ZNF800: variants seen among roughly 807,000 people sequenced by gnomAD.
ZNF800 encodes zinc finger protein 800.
Under a neutral mutation model 59.5 loss-of-function variants are expected in ZNF800, and 13 were observed. The ratio of observed to expected loss-of-function variants is 0.22; its 90% CI spans 0.14 to 0.35. The LOEUF is 0.35. Among genes scored for constraint, ZNF800 ranks in the 10% least tolerant of loss-of-function variants. The pLI is 1.00. For synonymous variants in ZNF800, 266 were observed against 265.7 expected (o/e 1.00, Z -0.01); for missense variants, 621 against 783.7 (o/e 0.79, Z 2.48).
At chr7:127,387,937 C>T (rs1462091490) in intron 2 of ZNF800, among the ~76,000 whole-genome samples, 1 of 151,504 alleles carries the variant, frequency 6.6e-6, no homozygotes. Flanking sequence ...CACACACACA[C>T]ACACACACAC....
In ZNF800 at chr7:127,373,955, T is replaced by C. The variant is rs139385030; in HGVS notation, c.1381A>G (p.Thr461Ala). 3.1e-6 allele frequency: 5 copies of C among 1,614,060 alleles called. No homozygotes were observed. The African/African-American group carries it at 4.0e-5, about 13-fold the overall frequency. The change falls in exon 5 of 6, where the codon ACT (threonine) becomes GCT (alanine). Residue 461 changes from threonine to alanine, a missense_variant. Thr to Ala is a moderately conservative substitution (Grantham distance 58, BLOSUM62 0). Transcript: ENST00000265827. ...VKQDSESPKS[T>A]SPSAAGGQQK... Reference sequence around the variant, plus strand: ...TGGCCACCTGCAGCCGACGGACTAGTTGATTTAGGGCTTTCAGAGTCTTGT... The same window carrying C: ...TGGCCACCTGCAGCCGACGGACTAGCTGATTTAGGGCTTTCAGAGTCTTGT...
intron 1 of ZNF800, chr7:127,361,740 A>G (rs1800397411): frequency 6.6e-6 from 1 of 152,168 alleles, no homozygotes; most frequent in Non-Finnish European, 1.5e-5. Flanking sequence ...ATGGAATTAT[A>G]TGTAAAGAAA....
At chr7:127,375,129 A>G (rs746442393) in intron 4 of ZNF800, 95 bp from the exon 5 acceptor site, 28 of 990,104 alleles carry the variant, frequency 2.8e-5, no homozygotes, top group Admixed American at 2.6e-4. Context: ...ATCTCAGAAT[A>G]TATCATATTA....
chr7:127,391,487 A>T lies in ZNF800; in HGVS notation c.61+10T>A, dbSNP rs1465195706. Reference sequence around the variant, plus strand: ...GAGGGCAAAGCAACTGCGGACGAAGAGGGGTCTACCTGGTTCACAGCATCC... The same window carrying T: ...GAGGGCAAAGCAACTGCGGACGAAGTGGGGTCTACCTGGTTCACAGCATCC... On this transcript the variant is annotated intron_variant, in intron 2 of 5. Transcript: ENST00000265827. 6.2e-7 allele frequency: 1 copy of T among 1,614,072 alleles called. No homozygotes were observed. Among genetic ancestry groups the T allele is most frequent in the African/African-American group, 1.3e-5 (1 of 75,032 alleles).
chr7:127,359,245 C>T (rs1039260575), intron 1 of ZNF800, among the ~76,000 whole-genome samples: 1 of 151,834 alleles, frequency 6.6e-6, no homozygotes, highest in Non-Finnish European at 1.5e-5. Flanking sequence ...TGTCACCACC[C>T]CACAGCCCCC....
In ZNF800 at chr7:127,374,594, G is replaced by T; in HGVS notation, c.742C>A (p.His248Asn). The T allele has an allele frequency of 6.2e-7, 1 of 1,614,086 alleles. No individual in the cohort carries two copies. The highest frequency in any genetic ancestry group is 8.5e-7 in the Non-Finnish European group (1 of 1,179,984). ...EFNSRRGVRR[H>N]IRKVHKKKME... ...TTTTTCTTGTGTACTTTTCGAATGT[G>T]ACGGCGAACACCTCGTCTAGAATTG... Residue 248 changes from histidine to asparagine, a missense_variant, in exon 5 of 6, where the codon CAC becomes AAC. By Grantham distance (68) the His-to-Asn change is moderately conservative. Coordinates refer to ENST00000265827, the MANE Select transcript of ZNF800 (RefSeq NM_176814.5).
intron 1 of ZNF800, 64 bp downstream of exon 1, chr7:127,391,996 C>A: frequency 2.6e-6 from 1 of 384,872 alleles, no homozygotes; most frequent in Non-Finnish European, 4.6e-6. Flanking sequence ...CCTCCCGCTA[C>A]GCACGTGCGT....
chr7:127,368,302 C>T (rs947592646), downstream of ZNF800, among the ~76,000 whole-genome samples: 7 of 152,130 alleles, frequency 4.6e-5, no homozygotes, highest in African/African-American at 1.7e-4. Context: ...AACCACAGAA[C>T]AGCTATTCCT....
rs141987989 is a variant in ZNF800 at position 127,374,506 on chromosome 7, C to A, written c.830G>T (p.Arg277Leu). The A allele has an allele frequency of 1.2e-6, 2 of 1,614,100 alleles. No homozygotes were observed. Among genetic ancestry groups the A allele is most frequent in the Non-Finnish European group, 8.5e-7 (1 of 1,179,982 alleles). The part of the protein sequence containing the change: ...RKNPNQSSKG[R>L]SKNVLVPLSR... ...TAATGGAACTAGAACATTCTTACTG[C>A]GTCCTTTAGAGGATTGGTTTGGATT... is the stretch of plus-strand genomic sequence containing the variant. The change falls in exon 5 of 6, where the codon CGC becomes CTC. Residue 277 changes from arginine (R) to leucine (L), a missense_variant. Arg to Leu is a moderately radical substitution (Grantham distance 102). Coordinates refer to ENST00000265827, the MANE Select transcript of ZNF800 (RefSeq NM_176814.5).
chr7:127,379,345 T>C (rs1800885865), intron 3 of ZNF800, among the ~76,000 whole-genome samples: 1 of 152,148 alleles, frequency 6.6e-6, no homozygotes, highest in Non-Finnish European at 1.5e-5. Flanking sequence ...GTGAGCATAG[T>C]AGCAGTGGGA....
intron 2 of ZNF800, among the ~76,000 whole-genome samples, chr7:127,391,232 C>T (rs779361472): frequency 7.9e-5 from 12 of 152,054 alleles, no homozygotes; most frequent in Non-Finnish European, 1.6e-4. Flanking sequence ...CTGCAGGATG[C>T]CTTGAAAAAG....
downstream of ZNF800, among the ~76,000 whole-genome samples, chr7:127,368,786 C>T (rs1800564908): frequency 6.6e-6 from 1 of 152,090 alleles, no homozygotes; most frequent in South Asian, 2.1e-4. Context: ...CCCACTACTG[C>T]ATCCATAGGC....
chr7:127,348,807 C>T (rs1324491097), intron 1 of ZNF800, among the ~76,000 whole-genome samples: 3 of 152,144 alleles, frequency 2.0e-5, no homozygotes, highest in African/African-American at 7.2e-5. Flanking sequence ...AATTTTACTC[C>T]ATTCTTATGT....
chr7:127,353,913 C>G (rs1800219727), intron 1 of ZNF800, among the ~76,000 whole-genome samples: 1 of 149,028 alleles, frequency 6.7e-6, no homozygotes, highest in Non-Finnish European at 1.5e-5. Context: ...TGAATCATAT[C>G]AAGATAAAAA....
In ZNF800 at chr7:127,377,213, A is replaced by G. The variant is rs1800812310; in HGVS notation, c.274T>C (p.Cys92Arg). Residue 92 changes from cysteine to arginine, a missense_variant, in exon 4 of 6, where the codon TGC becomes CGC. By Grantham distance (180) the Cys-to-Arg change is radical. This residue lies in a region of ZNF800 where 12 missense variants were observed against 34.4 expected (regional missense o/e 0.35). Transcript: ENST00000265827. This position sits in a 1 kb window ranked among gnomAD's most constrained non-coding sequence, Gnocchi z 4.7. ...TCATCCATCTGGAGACTTGGTGGGC[A>G]GTAGAATTTTTTATGGGTAATTAAA... The part of the protein sequence containing the change: ...PNLITHKKFY[C>R]PPSLQMDDNL... 1 of 1,611,916 alleles carries G rather than the reference A, an allele frequency of 6.2e-7. No individual in the cohort carries two copies. Among genetic ancestry groups the G allele is most frequent in the African/African-American group, 1.3e-5 (1 of 74,838 alleles).
chr7:127,384,725 AAAAC>A (rs774881542), intron 3 of ZNF800, among the ~76,000 whole-genome samples: 8 of 152,182 alleles, frequency 5.3e-5, no homozygotes, highest in Non-Finnish European at 8.8e-5. Context: ...AAAAGAAGCT[AAAAC>A]AAACAGACAC....
downstream of ZNF800, among the ~76,000 whole-genome samples, chr7:127,369,646 G>T (rs1046239615): frequency 6.6e-6 from 1 of 152,090 alleles, no homozygotes; most frequent in African/African-American, 2.4e-5. Flanking sequence ...ATGTAGGCAA[G>T]TACTGACACA....
intron 1 of ZNF800, chr7:127,360,760 A>G (rs1562897971): frequency 6.6e-6 from 1 of 152,168 alleles, no homozygotes; most frequent in Non-Finnish European, 1.5e-5. Flanking sequence ...AAAATATGAA[A>G]AAATACTTTA....
downstream of ZNF800, among the ~76,000 whole-genome samples, chr7:127,366,258 T>A (rs1181070564): frequency 1.3e-5 from 2 of 152,116 alleles, no homozygotes; most frequent in Admixed American, 1.3e-4. Flanking sequence ...AAGGAATGAA[T>A]GACAGGATAT....
Sources: allele counts gnomAD v4.1 joint callset (sites outside exome capture counted in the v4.1 genomes callset), GRCh38; gene constraint gnomAD v4.1.1; regional missense constraint gnomAD v4.1.1; non-coding constraint Gnocchi (gnomAD v3.1); transcripts MANE v1.5; gene names NCBI Gene and HGNC (gene_info 2026-07-23, HGNC 2026-07-21).